TKTL1: variants seen among roughly 807,000 people sequenced by gnomAD.
TKTL1 encodes transketolase like 1.
Under a neutral mutation model 39.3 loss-of-function variants are expected in TKTL1, and 1 was observed. The observed-to-expected ratio is 0.03, with a 90% CI of 0.01 to 0.12. TKTL1 has a LOEUF of 0.12. TKTL1 is among the 10% of genes least tolerant of loss of function. The probability of loss-of-function intolerance (pLI) is 1.00; values close to 1 mark genes in which losing one functional copy is unlikely to be tolerated. For synonymous variants in TKTL1, 262 were observed against 193.8 expected, an observed-to-expected ratio of 1.35 and a Z score of -2.92; for missense variants, 575 against 509.6, an observed-to-expected ratio of 1.13 and a Z score of -1.24.
chrX:154,299,922 T>A (rs2067259954), intron 1 of TKTL1, among the ~76,000 whole-genome samples: 1 of 112,003 alleles, frequency 8.9e-6, no homozygotes, highest in Non-Finnish European at 1.9e-5. Flanking sequence ...ACCTTTTTCA[T>A]ATAATGACTT....
intron 1 of TKTL1, among the ~76,000 whole-genome samples, chrX:154,296,259 C>G (rs1162580622): frequency 9.0e-6 from 1 of 111,332 alleles, no homozygotes; most frequent in Non-Finnish European, 1.9e-5. Flanking sequence ...GGCCAAAGTT[C>G]TGGAGGTCGC....
intron 7 of TKTL1, among the ~76,000 whole-genome samples, chrX:154,315,953 C>A (rs1168318304): frequency 5.4e-5 from 6 of 111,616 alleles, no homozygotes; most frequent in African/African-American, 1.6e-4. Flanking sequence ...GCCAGTAAAC[C>A]CTTTGAACTC....
intron 2 of TKTL1, among the ~76,000 whole-genome samples, chrX:154,307,550 A>G (rs1285705466): frequency 1.8e-5 from 2 of 112,781 alleles, no homozygotes; most frequent in African/African-American, 6.4e-5. Flanking sequence ...CACTTCTGCC[A>G]TAACGGGCAT....
intron 6 of TKTL1, among the ~76,000 whole-genome samples, chrX:154,313,363 C>G (rs1012435768): frequency 1.8e-5 from 2 of 111,955 alleles, no homozygotes; most frequent in African/African-American, 6.5e-5. Context: ...AAATGATGCA[C>G]AAAACTCTTG....
intron 1 of TKTL1, among the ~76,000 whole-genome samples, chrX:154,302,820 C>T (rs1483357816): frequency 9.0e-6 from 1 of 111,598 alleles, no homozygotes; most frequent in African/African-American, 3.3e-5. Flanking sequence ...TGGAGACACA[C>T]AGACACCGTG....
chrX:154,301,278 G>A (rs1415670290), intron 1 of TKTL1, among the ~76,000 whole-genome samples: 1 of 110,092 alleles, frequency 9.1e-6, no homozygotes, highest in African/African-American at 3.3e-5. Flanking sequence ...CACTTTGGGA[G>A]GCTGAGGTGG....
chrX:154,326,906 C>A (rs983367081), intron 10 of TKTL1, among the ~76,000 whole-genome samples: 2 of 112,107 alleles, frequency 1.8e-5, no homozygotes, highest in East Asian at 5.6e-4. Context: ...GCCAGGACAT[C>A]CTTAAAGAAT....
intron 1 of TKTL1, among the ~76,000 whole-genome samples, chrX:154,304,394 A>G (rs1352529043): frequency 9.0e-6 from 1 of 110,783 alleles, no homozygotes; most frequent in Non-Finnish European, 1.9e-5. Context: ...GTCACCTTCG[A>G]CAATTGCACG....
intron 1 of TKTL1, among the ~76,000 whole-genome samples, chrX:154,296,592 C>T: frequency 8.9e-6 from 1 of 111,778 alleles, no homozygotes; most frequent in Middle Eastern, 4.7e-3. Flanking sequence ...GTTGGGTTTG[C>T]TGGTATGCAG....
intron 7 of TKTL1, among the ~76,000 whole-genome samples, chrX:154,319,599 C>T (rs193046534): frequency 4.5e-5 from 5 of 111,306 alleles, no homozygotes; most frequent in East Asian, 2.8e-4. Context: ...ATTAGCCAGA[C>T]GTGGTGGCGG....
chrX:154,307,701 A>G (rs782132978), intron 2 of TKTL1, among the ~76,000 whole-genome samples: 35 of 112,918 alleles, frequency 3.1e-4, no homozygotes, highest in Non-Finnish European at 5.8e-4. Context: ...GCCAGAGGGA[A>G]GCAGAGTTGG....
intron 7 of TKTL1, among the ~76,000 whole-genome samples, chrX:154,317,183 T>C (rs1188127114): frequency 2.7e-5 from 3 of 112,246 alleles, no homozygotes; most frequent in East Asian, 5.6e-4. Context: ...CACGCAGCCA[T>C]GTAGTCTACT....
At chrX:154,328,301 T>G (rs2067508971) in intron 12 of TKTL1, among the ~76,000 whole-genome samples, 1 of 109,503 alleles carries the variant, frequency 9.1e-6, no homozygotes, top group Non-Finnish European at 1.9e-5. Flanking sequence ...CCCAGCACTT[T>G]GGGAGGCCGA....
intron 5 of TKTL1, 78 bp from the exon 6 acceptor site, chrX:154,312,502 G>C: frequency 9.9e-7 from 1 of 1,007,019 alleles, no homozygotes; most frequent in South Asian, 2.4e-5. Flanking sequence ...TTTTTCATCG[G>C]GGTCTGTTTT....
intron 7 of TKTL1, among the ~76,000 whole-genome samples, chrX:154,316,674 A>G (rs2067402597): frequency 9.0e-6 from 1 of 111,485 alleles, no homozygotes; most frequent in Non-Finnish European, 1.9e-5. Context: ...GAAGCCAAAC[A>G]GCACCCCTGT....
At position 154,295,809 on chromosome X, in the gene TKTL1, A is replaced by G; in HGVS notation, c.-51A>G. ...AGCTCGCAGGCGCCATTCGCTCTTCAGACGCCGGAGACGTAGGAGTGGGTC... is the reference window on the plus strand; with the variant it reads ...AGCTCGCAGGCGCCATTCGCTCTTCGGACGCCGGAGACGTAGGAGTGGGTC... On this transcript the variant is annotated 5_prime_UTR_variant, in exon 1 of 13. Transcript: ENST00000369915. The G allele has an allele frequency of 8.4e-7, 1 of 1,186,699 alleles. No individual in the cohort carries two copies. Among genetic ancestry groups the G allele is most frequent in the South Asian group, 1.9e-5 (1 of 53,836 alleles).
rs782509028 is a variant in TKTL1, at chrX:154,311,092, C to G, written c.543-19C>G. On this transcript the variant is annotated intron_variant, in intron 4 of 12. Coordinates refer to ENST00000369915, the MANE Select transcript of TKTL1 (RefSeq NM_012253.4). ...GCCCCCTTCATCTCTTGTAACCCAG[C>G]CTGCTCCTCTGTTGGCAGGTGGAAC... 1.7e-6 allele frequency: 2 copies of G among 1,211,232 alleles called. No homozygotes were observed. The highest frequency in any genetic ancestry group is 2.2e-6 in the Non-Finnish European group (2 of 894,927).
chrX:154,296,844 C>T (rs2067233287), intron 1 of TKTL1, among the ~76,000 whole-genome samples: 1 of 111,692 alleles, frequency 9.0e-6, no homozygotes, highest in Non-Finnish European at 1.9e-5. Context: ...GATGGCGAAC[C>T]TCTGTACAAA....
At chrX:154,304,624 G>C (rs782487984) in intron 1 of TKTL1, among the ~76,000 whole-genome samples, 1 of 108,460 alleles carries the variant, frequency 9.2e-6, no homozygotes, top group Non-Finnish European at 1.9e-5. Flanking sequence ...GAAAATGGGG[G>C]AGGGACAGTC....
Sources: gnomAD v4.1 joint callset for allele counts (sites outside exome capture counted in the v4.1 genomes callset) on GRCh38, gnomAD v4.1.1 for gene constraint, MANE v1.5 for transcripts, NCBI Gene and HGNC (gene_info 2026-07-23, HGNC 2026-07-21) for gene names.